CSNK2A2: variants seen among roughly 807,000 people sequenced by gnomAD.
CSNK2A2 encodes the protein casein kinase 2 alpha 2, also known as casein kinase II subunit alpha'.
CSNK2A2 carries 8 observed loss-of-function variants against 54.0 expected under a neutral mutation model. The observed-to-expected ratio is 0.15, with a 90% CI of 0.09 to 0.27. The LOEUF is 0.27. Ranked by LOEUF, CSNK2A2 falls within the 10% of genes least tolerant of loss-of-function variation. The pLI, the probability that CSNK2A2 is intolerant of heterozygous loss-of-function variation, is 1.00. For synonymous variants in CSNK2A2, 141 were observed against 153.9 expected, an observed-to-expected ratio of 0.92 and a Z score of 0.62; for missense variants, 242 against 439.4, an observed-to-expected ratio of 0.55 and a Z score of 4.02.
At chr16:58,177,316 C>T (rs923649869) in intron 4 of CSNK2A2, among the ~76,000 whole-genome samples, 3 of 152,230 alleles carry the variant, frequency 2.0e-5, no homozygotes, top group Admixed American at 2.0e-4. Context: ...TAGCCAGCTA[C>T]AGGGAGAACA....
intron 4 of CSNK2A2, among the ~76,000 whole-genome samples, chr16:58,177,553 A>G (rs573611773): frequency 4.6e-5 from 7 of 152,292 alleles, no homozygotes; most frequent in Admixed American, 3.9e-4. Flanking sequence ...TCCAAGTGCA[A>G]TTCAGCTGCA....
At chr16:58,180,778 C>A (rs1335143636) in intron 4 of CSNK2A2, among the ~76,000 whole-genome samples, 1 of 152,050 alleles carries the variant, frequency 6.6e-6, no homozygotes, top group East Asian at 1.9e-4. Flanking sequence ...GTTAATTCAC[C>A]CTGGTATTAA....
At chr16:58,196,669 G>A (rs1174914400) in intron 2 of CSNK2A2, 64 bp downstream of exon 2, 4 of 946,466 alleles carry the variant, frequency 4.2e-6, no homozygotes, top group Admixed American at 1.7e-5. Flanking sequence ...ATGTGACTGG[G>A]GTACCTTACA....
chr16:58,168,599 T>C lies in CSNK2A2; in HGVS notation c.513+11A>G. ...TTAATCAAGCTTGTTGCTGCCTGGC[T>C]GTAATGGTACCTTTTTCTGTTGGTG... On this transcript the variant is annotated intron_variant, in intron 6 of 11. Transcript: ENST00000262506. The C allele has an allele frequency of 6.2e-7, 1 of 1,611,368 alleles. No homozygotes were observed. The highest frequency in any genetic ancestry group is 8.5e-7 in the Non-Finnish European group (1 of 1,177,610).
At chr16:58,163,368 A>C (rs1480327443) in intron 11 of CSNK2A2, 1 of 152,052 alleles carries the variant, frequency 6.6e-6, no homozygotes, top group Non-Finnish European at 1.5e-5. Flanking sequence ...CTTAGCATGG[A>C]ACTTTTGATG....
At chr16:58,168,936 T>C (rs889086369) in intron 5 of CSNK2A2, among the ~76,000 whole-genome samples, 1 of 151,922 alleles carries the variant, frequency 6.6e-6, no homozygotes, top group Non-Finnish European at 1.5e-5. Context: ...ATTTCTTTTT[T>C]TTTTTTTTGA....
At chr16:58,158,977 A>G (rs1170478110) in intron 11 of CSNK2A2, 2 of 152,206 alleles carry the variant, frequency 1.3e-5, no homozygotes, top group Admixed American at 6.5e-5. Flanking sequence ...TGCCTCCCAG[A>G]ACAGCACTAC....
chr16:58,185,848 A>C (rs954893302), intron 3 of CSNK2A2, among the ~76,000 whole-genome samples: 5 of 152,262 alleles, frequency 3.3e-5, no homozygotes, highest in Non-Finnish European at 1.5e-5. Context: ...CAATGTAAAC[A>C]ATAAATGGTA....
intron 2 of CSNK2A2, among the ~76,000 whole-genome samples, chr16:58,193,509 T>G (rs1046312184): frequency 1.3e-5 from 2 of 152,272 alleles, no homozygotes; most frequent in African/African-American, 2.4e-5. Flanking sequence ...CCAAGTCATT[T>G]TGCACTGGTT....
chr16:58,196,773 T>C lies in CSNK2A2; in HGVS notation c.176A>G (p.Asn59Ser), dbSNP rs749158672. The C allele has an allele frequency of 5.5e-5, 89 of 1,613,918 alleles. No homozygotes were observed. Among genetic ancestry groups the C allele is most frequent in the Non-Finnish European group, 6.8e-5 (80 of 1,179,888 alleles). Residue 59 changes from asparagine to serine, a missense_variant, in exon 2 of 12, where the codon AAT (asparagine) becomes AGT (serine). By Grantham distance (46) the Asn-to-Ser change is conservative. Around this residue, in one of 5 missense-constraint regions of CSNK2A2, gnomAD observed 69 missense variants for 97.0 expected, o/e 0.71. Transcript: ENST00000262506. Reference sequence around the variant, plus strand: ...AACCACTCTCTCATTGTTGGTGATATTAATGGCCTCAAATACTTCACTATA... The same window carrying C: ...AACCACTCTCTCATTGTTGGTGATACTAATGGCCTCAAATACTTCACTATA... ...GKYSEVFEAI[N>S]ITNNERVVVK... is the part of the protein sequence containing the mutation.
In CSNK2A2 at chr16:58,166,753, A is replaced by G. The variant is rs1480300880; in HGVS notation, c.727-69T>C. 1.6e-5 allele frequency: 18 copies of G among 1,113,242 alleles called. No homozygotes were observed. In the Admixed American group the frequency reaches 3.1e-4, roughly 19 times the overall value. The allele number at this position is 1,113,242 out of a possible 1,614,324, so 69.0% of individuals were successfully genotyped here. ...CACCATGAGCCCGTGAGGACACTGCACCAAGGAATCAGAAGACTTCCACAC... is the reference window on the plus strand; with the variant it reads ...CACCATGAGCCCGTGAGGACACTGCGCCAAGGAATCAGAAGACTTCCACAC... On this transcript the variant is annotated intron_variant, in intron 8 of 11. Transcript: ENST00000262506.
At position 58,197,736 on chromosome 16, in the gene CSNK2A2, TGGCG is replaced by T; in HGVS notation, c.-4_-1del. 16 of 1,397,170 alleles carry T rather than the reference TGGCG, an allele frequency of 1.1e-5. No homozygotes were observed. In the African/African-American group the frequency reaches 1.5e-4, roughly 13 times the overall value. 86.5% of individuals were successfully genotyped at this position (1,397,170 alleles called of 1,614,324 possible). ...CTGCTGCCCGCGGCCGGGCCGGGCATGGCGGGCGGGACCGGGGGGCGGCGCGGGG... is the reference window on the plus strand; with the variant it reads ...CTGCTGCCCGCGGCCGGGCCGGGCATGGCGGGACCGGGGGGCGGCGCGGGG... On this transcript the variant is annotated 5_prime_UTR_variant, in exon 1 of 12. Coordinates refer to ENST00000262506, the MANE Select transcript of CSNK2A2 (RefSeq NM_001896.4). This position sits in a 1 kb window ranked among gnomAD's most constrained non-coding sequence, Gnocchi z 4.0.
At chr16:58,189,620 A>G (rs184836770) in intron 2 of CSNK2A2, among the ~76,000 whole-genome samples, 143 of 152,322 alleles carry the variant, frequency 9.4e-4, no homozygotes, top group African/African-American at 3.3e-3. Flanking sequence ...CAACTGAAGC[A>G]TATTTTGCTG....
intron 4 of CSNK2A2, among the ~76,000 whole-genome samples, chr16:58,179,332 T>C (rs1961964115): frequency 6.6e-6 from 1 of 151,958 alleles, no homozygotes. Flanking sequence ...GAACCCTGTT[T>C]CTACTAAAAA....
At chr16:58,162,345 A>G (rs185116920) in intron 11 of CSNK2A2, 17 of 152,242 alleles carry the variant, frequency 1.1e-4, no homozygotes, top group African/African-American at 3.9e-4. Context: ...AGAATGTGCA[A>G]TGCAAGCAGG....
chr16:58,196,834 C>A lies in CSNK2A2; in HGVS notation c.115G>T (p.Asp39Tyr). ...AHVPSWGNQD[D>Y]YQLVRKLGRG... ...CCAAGTTTTCGAACCAGTTGGTAAT[C>A]ATCTTGATTACTGTAAAAGGAAGAC... is the stretch of plus-strand genomic sequence containing the variant. Residue 39 changes from aspartate to tyrosine, a missense_variant, in exon 2 of 12, where the codon GAT becomes TAT. Physicochemically the swap from Asp to Tyr is radical, Grantham distance 160. Around this residue, in one of 5 missense-constraint regions of CSNK2A2, gnomAD observed 48 missense variants for 55.4 expected, o/e 0.87. Transcript: ENST00000262506. 6.2e-7 allele frequency: 1 copy of A among 1,606,406 alleles called. No individual in the cohort carries two copies. The highest frequency in any genetic ancestry group is 1.1e-5 in the South Asian group (1 of 90,888).
intron 9 of CSNK2A2, 78 bp from the exon 10 acceptor site, chr16:58,165,786 A>G: frequency 6.9e-7 from 1 of 1,444,038 alleles, no homozygotes; most frequent in Non-Finnish European, 9.4e-7. Context: ...TAAAGCCAAC[A>G]AAATCTCAGA....
chr16:58,164,799 C>T (rs1226157527), intron 10 of CSNK2A2, among the ~76,000 whole-genome samples: 4 of 152,068 alleles, frequency 2.6e-5, no homozygotes, highest in Non-Finnish European at 4.4e-5. Context: ...AAGACTACAG[C>T]GACACATTCT....
intron 4 of CSNK2A2, among the ~76,000 whole-genome samples, chr16:58,183,377 C>CAAA (rs397957932): frequency 1.6e-5 from 2 of 124,318 alleles, no homozygotes; most frequent in Admixed American, 8.3e-5. Context: ...AACTCGATCT[C>CAAA]AAAAAAAAAA....
Sources: allele counts gnomAD v4.1 joint callset (sites outside exome capture counted in the v4.1 genomes callset), GRCh38; gene constraint gnomAD v4.1.1; regional missense constraint gnomAD v4.1.1; non-coding constraint Gnocchi (gnomAD v3.1); transcripts MANE v1.5; gene names NCBI Gene and HGNC (gene_info 2026-07-23, HGNC 2026-07-21).